Variants in MYO9B observed in about 807,000 individuals in gnomAD.
MYO9B encodes myosin IXB, also known as unconventional myosin-IXb.
MYO9B carries 71 observed loss-of-function variants against 229.5 expected under a neutral mutation model. The ratio of observed to expected loss-of-function variants is 0.31; its 90% CI spans 0.26 to 0.38. MYO9B has a LOEUF of 0.38. MYO9B is among the 10% of genes least tolerant of loss of function. The pLI is 1.00. For missense variants in MYO9B, 2,255 were observed against 2,920.5 expected, an observed-to-expected ratio of 0.77 and a Z score of 5.25; for synonymous variants, 1,185 against 1,235.8, an observed-to-expected ratio of 0.96 and a Z score of 0.86.
In MYO9B at chr19:17,092,418, T is replaced by G. The variant is rs914058669; in HGVS notation, c.-58-9242T>G. 5.3e-5 allele frequency among the ~76,000 whole-genome samples: 8 copies of G among 152,096 alleles called. No homozygotes were observed. In the East Asian group the frequency reaches 1.5e-3, roughly 29 times the overall value. ...TGGGTGGACATGTGCATGCAAGTGT[T>G]TTGTGTACAAGCATATACGTGTGGC... is the stretch of plus-strand genomic sequence containing the variant. On this transcript the variant is annotated intron_variant, in intron 1 of 39. Transcript: ENST00000682292.
chr19:17,179,912 AAT>A (rs2072837465), intron 14 of MYO9B, among the ~76,000 whole-genome samples: 1 of 150,530 alleles, frequency 6.6e-6, no homozygotes, highest in African/African-American at 2.5e-5. Context: ...AAAAAAATAA[AAT>A]AAAAATAAAA....
chr19:17,084,591 C>T (rs1270483717), intron 1 of MYO9B, among the ~76,000 whole-genome samples: 2 of 150,872 alleles, frequency 1.3e-5, no homozygotes, highest in Admixed American at 6.6e-5. Flanking sequence ...GGGCCAGGCG[C>T]AGTGGCTCAC....
intron 1 of MYO9B, among the ~76,000 whole-genome samples, chr19:17,090,710 T>G (rs11671858): frequency 0.58 from 87,345 of 150,882 alleles, 25,820 homozygotes; most frequent in African/African-American, 0.72. Context: ...ATGAGTCAGG[T>G]GGTAGAGCGG....
intron 2 of MYO9B, among the ~76,000 whole-genome samples, chr19:17,116,622 TC>T (rs1357736546): frequency 6.6e-6 from 1 of 151,880 alleles, no homozygotes; most frequent in Non-Finnish European, 1.5e-5. Flanking sequence ...GCCTGGGTGT[TC>T]CCCCCACAGA....
chr19:17,103,034 C>G (rs1482665792), intron 2 of MYO9B, among the ~76,000 whole-genome samples: 4 of 145,426 alleles, frequency 2.8e-5, no homozygotes, highest in African/African-American at 1.0e-4. Context: ...CTGGTCAACA[C>G]AGCAAGGCCC....
chr19:17,082,774 A>G (rs1444390007), intron 1 of MYO9B, among the ~76,000 whole-genome samples: 2 of 152,002 alleles, frequency 1.3e-5, no homozygotes, highest in African/African-American at 2.4e-5. Flanking sequence ...TGCCGTGGAA[A>G]CTGGTTCCTT....
chr19:17,106,120 C>G (rs538815005), intron 2 of MYO9B, among the ~76,000 whole-genome samples: 1 of 152,064 alleles, frequency 6.6e-6, no homozygotes, highest in Admixed American at 6.6e-5. Context: ...TCCTCCCACC[C>G]AAGTAGCTGG....
intron 20 of MYO9B, among the ~76,000 whole-genome samples, chr19:17,191,540 G>T (rs906424098): frequency 2.6e-5 from 4 of 152,130 alleles, no homozygotes; most frequent in Non-Finnish European, 5.9e-5. Flanking sequence ...GAGGCAGGAG[G>T]TGGCCTGCAC....
At chr19:17,159,832 C>T (rs111920668) in intron 8 of MYO9B, among the ~76,000 whole-genome samples, 170 of 152,354 alleles carry the variant, frequency 1.1e-3, no homozygotes, top group African/African-American at 4.0e-3. Flanking sequence ...TTACATACCA[C>T]TTAAGACTGC....
intron 6 of MYO9B, among the ~76,000 whole-genome samples, chr19:17,156,019 C>CAA (rs34932047): frequency 4.2e-4 from 48 of 113,564 alleles, no homozygotes; most frequent in African/African-American, 1.5e-3. Flanking sequence ...GACTCTGTCT[C>CAA]AAAAAAAAAA....
At chr19:17,169,137 C>T (rs965233811) in intron 11 of MYO9B, among the ~76,000 whole-genome samples, 4 of 151,838 alleles carry the variant, frequency 2.6e-5, no homozygotes, top group Non-Finnish European at 5.9e-5. Context: ...TTTGGGAGGC[C>T]GAGGCAGGCG....
At chr19:17,124,628 CG>C (rs1329807260) in intron 2 of MYO9B, among the ~76,000 whole-genome samples, 1 of 151,512 alleles carries the variant, frequency 6.6e-6, no homozygotes, top group East Asian at 1.9e-4. Context: ...AAAAATTAGC[CG>C]GGCACCTGTA....
At chr19:17,090,614 C>T (rs950969466) in intron 1 of MYO9B, among the ~76,000 whole-genome samples, 11 of 152,174 alleles carry the variant, frequency 7.2e-5, no homozygotes, top group Non-Finnish European at 1.5e-4. Context: ...GGGGATTGTT[C>T]TTACACAAGG....
At chr19:17,129,714 A>G (rs2072171021) in intron 2 of MYO9B, among the ~76,000 whole-genome samples, 1 of 152,220 alleles carries the variant, frequency 6.6e-6, no homozygotes, top group African/African-American at 2.4e-5. Context: ...CGAATCCCAC[A>G]GTATATGCCC....
At chr19:17,077,038 C>A (rs987822095) in intron 1 of MYO9B, among the ~76,000 whole-genome samples, 20 of 152,162 alleles carry the variant, frequency 1.3e-4, no homozygotes, top group Non-Finnish European at 2.6e-4. Context: ...GGGACACTTT[C>A]CAGCCAGAGA....
At chr19:17,147,586 G>A (rs923002306) in intron 3 of MYO9B, among the ~76,000 whole-genome samples, 8 of 136,466 alleles carry the variant, frequency 5.9e-5, no homozygotes, top group Non-Finnish European at 1.3e-4. Flanking sequence ...AACCAAACAA[G>A]CAAACAAAAT....
At chr19:17,157,252 C>T (rs539980985) in intron 7 of MYO9B, 1 of 543,920 alleles carries the variant, frequency 1.8e-6, no homozygotes, top group Non-Finnish European at 3.0e-6. Context: ...CAAGTGAAAG[C>T]CTCTTTAAAA....
chr19:17,142,823 G>A (rs766166271), intron 2 of MYO9B, among the ~76,000 whole-genome samples: 16 of 152,110 alleles, frequency 1.1e-4, no homozygotes, highest in Non-Finnish European at 2.2e-4. Flanking sequence ...TTGGCTCGCA[G>A]GCGATTAAAA....
chr19:17,124,141 G>A (rs1313976989), intron 2 of MYO9B, among the ~76,000 whole-genome samples: 1 of 151,832 alleles, frequency 6.6e-6, no homozygotes, highest in Non-Finnish European at 1.5e-5. Flanking sequence ...CTTCCACCTT[G>A]GCCTCCCAAA....
Sources: gnomAD v4.1 joint callset for allele counts (sites outside exome capture counted in the v4.1 genomes callset) on GRCh38, gnomAD v4.1.1 for gene constraint, MANE v1.5 for transcripts, NCBI Gene and HGNC (gene_info 2026-07-23, HGNC 2026-07-21) for gene names.